Variants in GBP7 observed in about 807,000 individuals in gnomAD.
GBP7 encodes guanylate-binding protein 7.
GBP7 carries 43 observed loss-of-function variants against 61.3 expected under a neutral mutation model. The observed-to-expected ratio is 0.70, with a 90% CI of 0.55 to 0.91. The LOEUF is 0.91. Ranked by LOEUF, GBP7 falls within the 40% of genes least tolerant of loss-of-function variation. The probability of loss-of-function intolerance (pLI) is 0.00; values close to 1 mark genes in which losing one functional copy is unlikely to be tolerated. For synonymous variants in GBP7, 267 were observed against 271.0 expected (o/e 0.99, Z 0.14); for missense variants, 717 against 740.5 (o/e 0.97, Z 0.37).
chr1:89,161,122 A>G (rs965808991), intron 3 of GBP7, among the ~76,000 whole-genome samples: 4 of 152,100 alleles, frequency 2.6e-5, no homozygotes, highest in Admixed American at 6.5e-5. Context: ...TTCTTCTTTT[A>G]TGGCTGCATA....
chr1:89,153,219 A>G (rs958978962), intron 3 of GBP7, among the ~76,000 whole-genome samples: 9 of 152,234 alleles, frequency 5.9e-5, no homozygotes, highest in African/African-American at 2.2e-4. Flanking sequence ...ATAGGACTTA[A>G]GAGTCTCCTT....
chr1:89,140,193 A>G (rs1681901022), intron 9 of GBP7, among the ~76,000 whole-genome samples: 2 of 151,320 alleles, frequency 1.3e-5, no homozygotes, highest in Non-Finnish European at 2.9e-5. Flanking sequence ...TCGCAAGGAC[A>G]AAAACCAAAC....
Position 89,152,684 on chromosome 1 carries a change from C to T in GBP7, c.412G>A (p.Ala138Thr). ...YNSMGTINHQALEQLHYVTEL... is the reference protein window; with the variant it reads ...YNSMGTINHQTLEQLHYVTEL... ...GAAGGATACTGCAGCTGCTCCAGGG[C>T]CTGGTGGTTGATGGTGCCCATGCTG... The change falls in exon 4 of 11, where the codon GCC (alanine) becomes ACC (threonine). Residue 138 changes from alanine to threonine, a missense_variant. Ala to Thr is a moderately conservative substitution (Grantham distance 58, BLOSUM62 0). Transcript: ENST00000294671. 1 of 1,612,660 alleles carries T rather than the reference C, an allele frequency of 6.2e-7. No homozygotes were observed. The highest frequency in any genetic ancestry group is 1.3e-5 in the African/African-American group (1 of 74,934).
chr1:89,146,927 C>T (rs80241442), intron 8 of GBP7, among the ~76,000 whole-genome samples: 3,301 of 152,256 alleles, frequency 0.022, 35 homozygotes, highest in Middle Eastern at 0.048. Context: ...TTTCCAGTGG[C>T]GTTCAAGTAC....
At chr1:89,154,313 C>G (rs1570353845) in intron 3 of GBP7, among the ~76,000 whole-genome samples, 1 of 152,200 alleles carries the variant, frequency 6.6e-6, no homozygotes, top group Admixed American at 6.5e-5. Context: ...ACCCCACACA[C>G]ATTTATAATT....
At chr1:89,133,197 C>G in intron 10 of GBP7, 61 bp downstream of exon 10, 3 of 1,356,816 alleles carry the variant, frequency 2.2e-6, no homozygotes, top group Non-Finnish European at 3.1e-6. Flanking sequence ...AATTTTGGCT[C>G]TTCCCTAAAT....
Position 89,163,861 on chromosome 1 carries a change from TTTTG to T in GBP7, c.318+866_318+869del, listed in dbSNP as rs374258402. ...TCTTTTTCTTTCTTTTTTTTTTGTT[TTTTG>T]TTTGTTTGTTTGTTTTGTTTTTGAG... On this transcript the variant is annotated intron_variant, in intron 3 of 10. Transcript: ENST00000294671. Among the ~76,000 whole-genome samples, 750 of 152,014 alleles carry T rather than the reference TTTTG, an allele frequency of 4.9e-3. 4 individuals carry two copies. The highest frequency in any genetic ancestry group is 0.017 in the African/African-American group (693 of 41,462).
chr1:89,166,615 G>A (rs577922026), intron 2 of GBP7, among the ~76,000 whole-genome samples: 3 of 152,338 alleles, frequency 2.0e-5, no homozygotes, highest in Admixed American at 2.0e-4. Context: ...CGGAAAGTGT[G>A]AAAGTTGTCA....
In GBP7 at chr1:89,131,910, T is replaced by C. The variant is rs1681684854; in HGVS notation, c.*239A>G. On this transcript the variant is annotated 3_prime_UTR_variant, in exon 11 of 11. Transcript: ENST00000294671. ...ATTAATTGAAAATAATTTCTTTATA[T>C]TACCATTTGTCCTTTTGCTTTACTT... 5.8e-6 allele frequency: 2 copies of C among 345,546 alleles called. No homozygotes were observed. The highest frequency in any genetic ancestry group is 4.2e-5 in the African/African-American group (2 of 47,112). 21.4% of individuals were successfully genotyped at this position (345,546 alleles called of 1,614,324 possible).
At chr1:89,147,176 T>G (rs1351205458) in intron 8 of GBP7, among the ~76,000 whole-genome samples, 1 of 152,210 alleles carries the variant, frequency 6.6e-6, no homozygotes. Context: ...CCCCTATCAA[T>G]GTATACCAAT....
Position 89,149,545 on chromosome 1 carries a change from A to G in GBP7, c.899T>C (p.Leu300Pro). The change falls in exon 7 of 11, where the codon CTG becomes CCG. Residue 300 changes from leucine (L) to proline (P), a missense_variant. Around this residue, in one of 3 missense-constraint regions of GBP7, gnomAD observed 387 missense variants for 385.2 expected, o/e 1.00. Transcript: ENST00000294671. ...NRLGMLVETY[L>P]DAINSGATPC... is the part of the protein sequence containing the mutation. ...AGTCGCTCCACTGTTGATGGCATCCAGGTAGGTCTCCACCAGCATCCCCAG... is the reference window on the plus strand; with the variant it reads ...AGTCGCTCCACTGTTGATGGCATCCGGGTAGGTCTCCACCAGCATCCCCAG... 6.2e-7 allele frequency: 1 copy of G among 1,613,968 alleles called. No homozygotes were observed.
At chr1:89,140,463 A>AAAG in intron 9 of GBP7, among the ~76,000 whole-genome samples, 1 of 151,780 alleles carries the variant, frequency 6.6e-6, no homozygotes, top group South Asian at 2.1e-4. Flanking sequence ...AAAAACTGAA[A>AAAG]AAAAAAAGAA....
At chr1:89,135,836 G>T (rs368382081) in intron 9 of GBP7, among the ~76,000 whole-genome samples, 1 of 152,096 alleles carries the variant, frequency 6.6e-6, no homozygotes, top group African/African-American at 2.4e-5. Context: ...CTGTAAAAGG[G>T]CTAACAACCC....
At position 89,150,405 on chromosome 1, in the gene GBP7, C is replaced by G. The variant is rs200309275; in HGVS notation, c.796G>C (p.Glu266Gln). 58 of 1,613,834 alleles carry G rather than the reference C, an allele frequency of 3.6e-5. No individual in the cohort carries two copies. Among genetic ancestry groups the G allele is most frequent in the Non-Finnish European group, 4.5e-5 (53 of 1,179,876 alleles). Residue 266 changes from glutamate to glutamine, a missense_variant, in exon 6 of 11, where the codon GAA (glutamate) becomes CAA (glutamine). By Grantham distance (29) the Glu-to-Gln change is conservative. Transcript: ENST00000294671. The stretch of plus-strand genomic sequence containing the variant: ...GTGAAGATATAAGAACAGAAATTTT[C>G]TGATTGCATCTGGAAATTACTATCC... ...QLDSNFQMQS[E>Q]NFCSYIFTHA... is the part of the protein sequence containing the mutation.
intron 7 of GBP7, among the ~76,000 whole-genome samples, chr1:89,148,125 C>A (rs188389665): frequency 6.6e-6 from 1 of 152,212 alleles, no homozygotes; most frequent in African/African-American, 2.4e-5. Context: ...TCTGGATAAT[C>A]ACATCCCAGT....
intron 1 of GBP7, among the ~76,000 whole-genome samples, chr1:89,174,570 A>G (rs965526569): frequency 6.6e-6 from 1 of 152,176 alleles, no homozygotes; most frequent in African/African-American, 2.4e-5. Context: ...ACATATCTCT[A>G]TACTTTGAAA....
At chr1:89,151,407 C>A (rs1336272368) in intron 5 of GBP7, among the ~76,000 whole-genome samples, 1 of 152,074 alleles carries the variant, frequency 6.6e-6, no homozygotes, top group African/African-American at 2.4e-5. Context: ...AATTTAAATG[C>A]TAGAAACAAG....
intron 2 of GBP7, among the ~76,000 whole-genome samples, chr1:89,165,688 T>G (rs1187919025): frequency 6.6e-6 from 1 of 151,178 alleles, no homozygotes; most frequent in Non-Finnish European, 1.5e-5. Flanking sequence ...AAACATCACA[T>G]GTTCTCACTC....
At chr1:89,139,516 A>G (rs1231150855) in intron 9 of GBP7, among the ~76,000 whole-genome samples, 6 of 152,272 alleles carry the variant, frequency 3.9e-5, no homozygotes, top group South Asian at 2.1e-4. Context: ...GCAACCTACA[A>G]AATGGGAGAA....
Sources: allele counts gnomAD v4.1 joint callset (sites outside exome capture counted in the v4.1 genomes callset), GRCh38; gene constraint gnomAD v4.1.1; regional missense constraint gnomAD v4.1.1; transcripts MANE v1.5; gene names NCBI Gene and HGNC (gene_info 2026-07-23, HGNC 2026-07-21).